The following CRTAC1 variants were observed in gnomAD, a reference collection of about 807,000 sequenced individuals.
CRTAC1 encodes cartilage acidic protein 1.
Under a neutral mutation model 67.8 loss-of-function variants are expected in CRTAC1, and 37 were observed. The observed-to-expected ratio is 0.55, with a 90% CI of 0.42 to 0.72. CRTAC1 has a LOEUF of 0.72. Ranked by LOEUF, CRTAC1 falls within the 30% of genes least tolerant of loss-of-function variation. The pLI, the probability that CRTAC1 is intolerant of heterozygous loss-of-function variation, is 0.00. For missense variants in CRTAC1, 780 were observed against 931.6 expected, an observed-to-expected ratio of 0.84 and a Z score of 2.12; for synonymous variants, 348 against 371.0, an observed-to-expected ratio of 0.94 and a Z score of 0.71.
chr10:97,927,858 T>TGGCACAGGCAATAAACACCC (rs1254837842), intron 3 of CRTAC1, among the ~76,000 whole-genome samples: 40 of 152,316 alleles, frequency 2.6e-4, no homozygotes, highest in African/African-American at 8.9e-4. Context: ...TGCGGGTCGA[T>TGGCACAGGCAATAAACACCC]GGCACAGGCA....
At chr10:97,939,126 A>G (rs1252907140) in intron 2 of CRTAC1, among the ~76,000 whole-genome samples, 1 of 152,090 alleles carries the variant, frequency 6.6e-6, no homozygotes, top group Non-Finnish European at 1.5e-5. Context: ...TGGGTCTCCT[A>G]GAATGTCTTC....
chr10:97,902,628 A>G (rs1215805399), intron 7 of CRTAC1, among the ~76,000 whole-genome samples: 1 of 152,152 alleles, frequency 6.6e-6, no homozygotes, highest in African/African-American at 2.4e-5. Context: ...TCCTCATCAT[A>G]GGTGGGTTTT....
At chr10:97,952,385 A>AAAT (rs1564909618) in intron 2 of CRTAC1, among the ~76,000 whole-genome samples, 17 of 150,944 alleles carry the variant, frequency 1.1e-4, no homozygotes, top group African/African-American at 3.4e-4. Flanking sequence ...AATAAATAAA[A>AAAT]AAATTAGTGA....
In CRTAC1 at chr10:97,985,505, G is replaced by A. The variant is rs568627625; in HGVS notation, c.224+25633C>T. Among the ~76,000 whole-genome samples, 6 of 152,198 alleles carry A rather than the reference G, an allele frequency of 3.9e-5. No individual in the cohort carries two copies. The East Asian group carries it at 1.2e-3, about 30-fold the overall frequency. On this transcript the variant is annotated intron_variant, in intron 2 of 14. Transcript: ENST00000370597. ...GCTTCGTTCTTCTCCTTGTCCTAATGAAGAGAGCAGGTGCTCTTCCTGCTT... is the reference window on the plus strand; with the variant it reads ...GCTTCGTTCTTCTCCTTGTCCTAATAAAGAGAGCAGGTGCTCTTCCTGCTT...
At chr10:98,006,906 T>G (rs934387002) in intron 2 of CRTAC1, among the ~76,000 whole-genome samples, 1 of 152,242 alleles carries the variant, frequency 6.6e-6, no homozygotes, top group African/African-American at 2.4e-5. Context: ...TCCTGCTACA[T>G]GATTCTTAAA....
intron 2 of CRTAC1, among the ~76,000 whole-genome samples, chr10:97,992,184 T>C (rs1282059524): frequency 1.3e-5 from 2 of 152,052 alleles, no homozygotes; most frequent in Admixed American, 6.6e-5. Context: ...CTTCCCAGAA[T>C]AGGGAAGCAA....
chr10:97,923,776 G>C (rs1303481572), intron 3 of CRTAC1, among the ~76,000 whole-genome samples: 2 of 152,208 alleles, frequency 1.3e-5, no homozygotes, highest in East Asian at 3.9e-4. Flanking sequence ...ACTCAACCCA[G>C]GATGGCTCTT....
intron 1 of CRTAC1, among the ~76,000 whole-genome samples, chr10:98,017,876 C>T (rs918524518): frequency 1.3e-5 from 2 of 151,694 alleles, no homozygotes; most frequent in Admixed American, 1.3e-4. Context: ...ACTTTTTGAA[C>T]AATTCCCAGC....
chr10:98,002,146 A>C (rs1413349818), intron 2 of CRTAC1, among the ~76,000 whole-genome samples: 1 of 152,210 alleles, frequency 6.6e-6, no homozygotes, highest in Non-Finnish European at 1.5e-5. Context: ...AATGGGAATA[A>C]GAGAGACTTC....
chr10:97,867,315 G>A (rs2050039287), intron 14 of CRTAC1: 1 of 152,278 alleles, frequency 6.6e-6, no homozygotes, highest in South Asian at 2.1e-4. Context: ...AGCAGCCCCT[G>A]GGGCTGGTGT....
chr10:98,027,343 G>GA (rs1843259065), intron 1 of CRTAC1, among the ~76,000 whole-genome samples: 1 of 152,178 alleles, frequency 6.6e-6, no homozygotes, highest in Admixed American at 6.5e-5. Flanking sequence ...GGCAAAAATA[G>GA]AATGTCCTAG....
Position 98,019,618 on chromosome 10 carries a change from GAGTTTGAAAGAACTGGTC to G in CRTAC1, c.25-8299_25-8282del, listed in dbSNP as rs1345062619. On this transcript the variant is annotated intron_variant, in intron 1 of 14. Transcript: ENST00000370597. ...CTCTGCTCCCTTCTCCCAAGGGAGG[GAGTTTGAAAGAACTGGTC>G]AGTTTGAAAGAACTGGGATCAAAGA... is the stretch of plus-strand genomic sequence containing the variant. 5.3e-5 allele frequency among the ~76,000 whole-genome samples: 8 copies of G among 152,332 alleles called. No homozygotes were observed. The South Asian group carries it at 6.2e-4, about 12-fold the overall frequency.
chr10:97,950,254 G>C (rs867478997), intron 2 of CRTAC1, among the ~76,000 whole-genome samples: 1,643 of 142,548 alleles, frequency 0.012, 13 homozygotes, highest in Non-Finnish European at 0.017. Context: ...CACAGAGAGA[G>C]AGAGAGAGAG....
chr10:98,010,656 T>C (rs982010434), intron 2 of CRTAC1, among the ~76,000 whole-genome samples: 2 of 152,170 alleles, frequency 1.3e-5, no homozygotes, highest in African/African-American at 4.8e-5. Context: ...TTAATTTCCA[T>C]CTTCCCCCCT....
Position 97,904,700 on chromosome 10 carries a change from T to C in CRTAC1, c.965A>G (p.Gln322Arg), listed in dbSNP as rs779283293. The change falls in exon 7 of 15, where the codon CAA becomes CGA. Residue 322 changes from glutamine (Q) to arginine (R), a missense_variant. Gln to Arg is a conservative substitution (Grantham distance 43). Transcript: ENST00000370597. ...NWNGPHRLYL[Q>R]MSTHGKVRFR... Reference sequence around the variant, plus strand: ...GCGGACCTTCCCATGGGTGCTCATTTGCAGATAGAGGCGGTGGGGGCCATT... The same window carrying C: ...GCGGACCTTCCCATGGGTGCTCATTCGCAGATAGAGGCGGTGGGGGCCATT... 1 of 1,591,526 alleles carries C rather than the reference T, an allele frequency of 6.3e-7. No homozygotes were observed. Among genetic ancestry groups the C allele is most frequent in the South Asian group, 1.1e-5 (1 of 87,320 alleles).
chr10:98,010,853 C>A (rs1040607713), intron 2 of CRTAC1, among the ~76,000 whole-genome samples: 2 of 152,154 alleles, frequency 1.3e-5, no homozygotes, highest in Non-Finnish European at 2.9e-5. Context: ...GAAGACAGTG[C>A]CTTAAAGCAG....
chr10:98,006,844 A>G (rs1842800087), intron 2 of CRTAC1, among the ~76,000 whole-genome samples: 1 of 152,212 alleles, frequency 6.6e-6, no homozygotes, highest in African/African-American at 2.4e-5. Context: ...CATGAACTGA[A>G]CCATAGGTGC....
rs532682946 is a variant in CRTAC1 at position 97,983,732 on chromosome 10, T to C, written c.224+27406A>G. Among the ~76,000 whole-genome samples, 5 of 152,348 alleles carry C rather than the reference T, an allele frequency of 3.3e-5. 1 individual carries two copies. The highest frequency in any genetic ancestry group is 7.2e-5 in the African/African-American group (3 of 41,590). On this transcript the variant is annotated intron_variant, in intron 2 of 14. Coordinates refer to ENST00000370597, the MANE Select transcript of CRTAC1 (RefSeq NM_018058.7). ...TGGCATAGTGGTAGAAGACAGAAGATTCATCTATTCCTCTGGCCTATGTGT... is the reference window on the plus strand; with the variant it reads ...TGGCATAGTGGTAGAAGACAGAAGACTCATCTATTCCTCTGGCCTATGTGT...
intron 11 of CRTAC1, among the ~76,000 whole-genome samples, chr10:97,892,736 G>A (rs929745153): frequency 1.3e-5 from 2 of 152,198 alleles, no homozygotes; most frequent in African/African-American, 4.8e-5. Flanking sequence ...TGCAAGACAG[G>A]ACTATGTATT....
Sources: gnomAD v4.1 joint callset for allele counts (sites outside exome capture counted in the v4.1 genomes callset) on GRCh38, gnomAD v4.1.1 for gene constraint, MANE v1.5 for transcripts, NCBI Gene and HGNC (gene_info 2026-07-23, HGNC 2026-07-21) for gene names.